The following PPIG variants were observed in gnomAD, a reference collection of about 807,000 sequenced individuals.
PPIG encodes peptidylprolyl isomerase G, also known as peptidyl-prolyl cis-trans isomerase G.
A neutral mutation model predicts 87.9 loss-of-function variants in PPIG; 26 were observed. That is an observed-to-expected ratio of 0.30 (90% CI 0.22 to 0.41). The LOEUF (loss-of-function observed/expected upper bound fraction) is 0.41, where lower values mean the gene tolerates loss of function less well. PPIG is among the 10% of genes least tolerant of loss of function. PPIG has a pLI of 1.00. For synonymous variants in PPIG, 308 were observed against 276.5 expected, an observed-to-expected ratio of 1.11 and a Z score of -1.13; for missense variants, 722 against 879.4, an observed-to-expected ratio of 0.82 and a Z score of 2.26.
At chr2:169,610,945 C>G (rs540166222) in intron 7 of PPIG, among the ~76,000 whole-genome samples, 1 of 152,174 alleles carries the variant, frequency 6.6e-6, no homozygotes, top group Non-Finnish European at 1.5e-5. Context: ...GTGGCTCATG[C>G]CTGTAATCCC....
intron 1 of PPIG, among the ~76,000 whole-genome samples, chr2:169,594,151 A>G (rs1158757443): frequency 1.3e-5 from 2 of 152,076 alleles, no homozygotes; most frequent in Non-Finnish European, 2.9e-5. Context: ...GTTCCTCATA[A>G]TAGATTTCCA....
chr2:169,632,800 A>AT (rs1207291735), intron 11 of PPIG, among the ~76,000 whole-genome samples: 1 of 151,710 alleles, frequency 6.6e-6, no homozygotes, highest in Non-Finnish European at 1.5e-5. Flanking sequence ...GAATATTGAA[A>AT]TATTTTTCTT....
intron 6 of PPIG, 75 bp from the exon 7 acceptor site, chr2:169,608,596 T>C: frequency 1.2e-6 from 1 of 831,122 alleles, no homozygotes; most frequent in East Asian, 2.6e-5. Flanking sequence ...ATACATCAGA[T>C]ATGAATAGAA....
chr2:169,617,610 T>C (rs1685637666), intron 9 of PPIG, among the ~76,000 whole-genome samples: 1 of 152,216 alleles, frequency 6.6e-6, no homozygotes, highest in African/African-American at 2.4e-5. Flanking sequence ...TTTTATTCTC[T>C]TTGTAGCAAT....
At chr2:169,632,553 A>G (rs1686085285) in intron 11 of PPIG, among the ~76,000 whole-genome samples, 1 of 151,592 alleles carries the variant, frequency 6.6e-6, no homozygotes, top group Non-Finnish European at 1.5e-5. Flanking sequence ...CATCCTGGCT[A>G]ACATGGTGAA....
In PPIG at chr2:169,638,439, A is replaced by G. The variant is rs1046401510; in HGVS notation, c.*916A>G. 6.6e-6 allele frequency: 1 copy of G among 151,980 alleles called. No individual in the cohort carries two copies. The highest frequency in any genetic ancestry group is 1.5e-5 in the Non-Finnish European group (1 of 67,926). The allele number at this position is 151,980 out of a possible 1,614,324, so 9.4% of individuals were successfully genotyped here. Reference sequence around the variant, plus strand: ...TGTTAGTATTGAGACATTAACTTCTAAGATTTCTCTTTTTTGGCCTCCAAC... The same window carrying G: ...TGTTAGTATTGAGACATTAACTTCTGAGATTTCTCTTTTTTGGCCTCCAAC... On this transcript the variant is annotated 3_prime_UTR_variant, in exon 14 of 14. Transcript: ENST00000260970.
rs932043235 is a variant in PPIG at position 169,640,872 on chromosome 2, A to T, written c.*3349A>T. ...CCTATTGTGTGACAAAGAGGTATAT[A>T]TTAAAGGAAAAGAAAAATGACATGA... On this transcript the variant is annotated 3_prime_UTR_variant, in exon 14 of 14. Transcript: ENST00000260970. 2 of 152,222 alleles carry T rather than the reference A, an allele frequency of 1.3e-5. No homozygotes were observed. The highest frequency in any genetic ancestry group is 1.5e-5 in the Non-Finnish European group (1 of 68,052). 9.4% of individuals were successfully genotyped at this position (152,222 alleles called of 1,614,324 possible). A position where few individuals can be genotyped will look rare whatever the true frequency, so the allele number is the denominator to read the frequency against.
chr2:169,632,027 C>T, intron 11 of PPIG, 94 bp downstream of exon 11: 2 of 1,311,616 alleles, frequency 1.5e-6, no homozygotes, highest in South Asian at 1.8e-5. Context: ...AATTGGTGAC[C>T]TTGTCCCAAG....
At chr2:169,632,737 T>G (rs1686089870) in intron 11 of PPIG, among the ~76,000 whole-genome samples, 1 of 131,684 alleles carries the variant, frequency 7.6e-6, no homozygotes, top group African/African-American at 3.1e-5. Context: ...AGAGTGAGAC[T>G]CCGTCTCAAA....
At chr2:169,627,943 G>T (rs1429209432) in intron 9 of PPIG, among the ~76,000 whole-genome samples, 1 of 151,832 alleles carries the variant, frequency 6.6e-6, no homozygotes, top group Non-Finnish European at 1.5e-5. Flanking sequence ...ATTTCATTGT[G>T]AATTTATTTT....
chr2:169,630,724 C>A (rs1282931059), intron 9 of PPIG, 50 bp from the exon 10 acceptor site: 3 of 1,473,564 alleles, frequency 2.0e-6, no homozygotes, highest in South Asian at 2.4e-5. Context: ...TCTCCTTCCA[C>A]AAAGTTTGTC....
chr2:169,619,608 C>G (rs1163710397), intron 9 of PPIG, among the ~76,000 whole-genome samples: 1 of 152,132 alleles, frequency 6.6e-6, no homozygotes, highest in African/African-American at 2.4e-5. Flanking sequence ...GCATTAATCC[C>G]TTTACCATTA....
At chr2:169,585,257 G>A (rs551165121) in intron 1 of PPIG, among the ~76,000 whole-genome samples, 1 of 96,346 alleles carries the variant, frequency 1.0e-5, no homozygotes, top group African/African-American at 3.8e-5. Flanking sequence ...TGCTAATTTG[G>A]TTCTTGGTTA....
chr2:169,630,626 G>A (rs1686019452), intron 9 of PPIG, 148 bp from the exon 10 acceptor site: 1 of 655,014 alleles, frequency 1.5e-6, no homozygotes, highest in African/African-American at 1.9e-5. Flanking sequence ...CCTGAGTCTT[G>A]ACTCCTTTCC....
Position 169,608,564 on chromosome 2 carries a change from A to T in PPIG, c.290-107A>T, listed in dbSNP as rs1685398212. 2.3e-5 allele frequency: 13 copies of T among 570,500 alleles called. No homozygotes were observed. In the South Asian group the frequency reaches 2.9e-4, roughly 13 times the overall value. The allele number at this position is 570,500 out of a possible 1,614,324, so 35.3% of individuals were successfully genotyped here. A position where few individuals can be genotyped will look rare whatever the true frequency, so the allele number is the denominator to read the frequency against. On this transcript the variant is annotated intron_variant, in intron 6 of 13. Coordinates refer to ENST00000260970, the MANE Select transcript of PPIG (RefSeq NM_004792.3). The stretch of plus-strand genomic sequence containing the variant: ...CATAACCTAACTTTATTATCTAAGT[A>T]AGTTGTGTGTGGCACTAAATAATAC...
At chr2:169,585,845 A>AGTGT (rs142446175) in intron 1 of PPIG, among the ~76,000 whole-genome samples, 1 of 151,550 alleles carries the variant, frequency 6.6e-6, no homozygotes, top group African/African-American at 2.4e-5. Context: ...AAAAAGAGTG[A>AGTGT]GTGTGTGTGT....
At chr2:169,622,073 TA>T (rs1363531291) in intron 9 of PPIG, among the ~76,000 whole-genome samples, 8 of 151,942 alleles carry the variant, frequency 5.3e-5, no homozygotes, top group Non-Finnish European at 1.2e-4. Flanking sequence ...AATATATAAA[TA>T]AATAAAGTTA....
chr2:169,639,192 T>C lies in PPIG; in HGVS notation c.*1669T>C, dbSNP rs1179651795. 1 of 152,046 alleles carries C rather than the reference T, an allele frequency of 6.6e-6. No individual in the cohort carries two copies. The highest frequency in any genetic ancestry group is 1.5e-5 in the Non-Finnish European group (1 of 67,936). 9.4% of individuals were successfully genotyped at this position (152,046 alleles called of 1,614,324 possible). ...TTTTTTTTTCCGATGATAAAAGTAG[T>C]AGATGTTTATTATAAAATCCAAGGT... On this transcript the variant is annotated 3_prime_UTR_variant, in exon 14 of 14. Coordinates refer to ENST00000260970, the MANE Select transcript of PPIG (RefSeq NM_004792.3).
In PPIG at chr2:169,614,447, C is replaced by T; in HGVS notation, c.378-17C>T. The T allele has an allele frequency of 6.5e-7, 1 of 1,538,834 alleles. No individual in the cohort carries two copies. Among genetic ancestry groups the T allele is most frequent in the Non-Finnish European group, 8.9e-7 (1 of 1,127,928 alleles). ...TCTGACTTTGTTTTTATTCTTCTAT[C>T]TGATGATTTCCAAAAGAACAACGAA... On this transcript the variant is annotated splice_polypyrimidine_tract_variant and intron_variant, in intron 7 of 13. Transcript: ENST00000260970.
Sources: gnomAD v4.1 joint callset for allele counts (sites outside exome capture counted in the v4.1 genomes callset) on GRCh38, gnomAD v4.1.1 for gene constraint, MANE v1.5 for transcripts, NCBI Gene and HGNC (gene_info 2026-07-23, HGNC 2026-07-21) for gene names.